The following CNTN1 variants were observed in gnomAD, a reference collection of about 807,000 sequenced individuals.
CNTN1 encodes contactin 1, also known as contactin-1.
A neutral mutation model predicts 126.4 loss-of-function variants in CNTN1; 38 were observed. That is an observed-to-expected ratio of 0.30 (90% CI 0.23 to 0.39). The LOEUF (loss-of-function observed/expected upper bound fraction) is 0.39, where lower values mean the gene tolerates loss of function less well. CNTN1 is among the 10% of genes least tolerant of loss of function. The pLI is 1.00. For missense variants in CNTN1, 1,009 were observed against 1,248.4 expected (o/e 0.81, Z 2.89); for synonymous variants, 413 against 422.6 (o/e 0.98, Z 0.28).
At position 41,070,569 on chromosome 12, in the gene CNTN1, T is replaced by C. The variant is rs1459540561; in HGVS notation, c.*534T>C. The C allele has an allele frequency of 6.5e-6, 1 of 152,824 alleles. No individual in the cohort carries two copies. The highest frequency in any genetic ancestry group is 1.5e-5 in the Non-Finnish European group (1 of 68,468). The allele number at this position is 152,824 out of a possible 1,614,324, so 9.5% of individuals were successfully genotyped here. On this transcript the variant is annotated 3_prime_UTR_variant, in exon 24 of 24. Coordinates refer to ENST00000551295, the MANE Select transcript of CNTN1 (RefSeq NM_001843.4). ...GTTTTCTTGAAAAGACAATAGAGTG[T>C]AACAAATATTTTGTCAGAAATCCCA...
At chr12:40,724,145 T>C (rs376142556) in intron 1 of CNTN1, among the ~76,000 whole-genome samples, 3 of 152,200 alleles carry the variant, frequency 2.0e-5, no homozygotes, top group Non-Finnish European at 2.9e-5. Flanking sequence ...TAGAACATTT[T>C]TGAACCTCTA....
At chr12:40,992,245 C>T (rs1266434076) in intron 16 of CNTN1, among the ~76,000 whole-genome samples, 1 of 152,140 alleles carries the variant, frequency 6.6e-6, no homozygotes, top group Non-Finnish European at 1.5e-5. Flanking sequence ...AAAGTAGAAA[C>T]TGGACCCTGG....
chr12:40,708,911 T>G (rs569834090), intron 1 of CNTN1, among the ~76,000 whole-genome samples: 1 of 152,362 alleles, frequency 6.6e-6, no homozygotes, highest in Non-Finnish European at 1.5e-5. Flanking sequence ...GCATTTATTT[T>G]CTCCACTGAA....
Position 41,027,999 on chromosome 12 carries a change from G to A in CNTN1, c.2823+30G>A, listed in dbSNP as rs189523941. 2.5e-4 allele frequency: 356 copies of A among 1,441,452 alleles called. No individual in the cohort carries two copies. The African/African-American group carries it at 4.5e-3, about 18-fold the overall frequency. 89.3% of individuals were successfully genotyped at this position (1,441,452 alleles called of 1,614,324 possible). A position where few individuals can be genotyped will look rare whatever the true frequency, so the allele number is the denominator to read the frequency against. On this transcript the variant is annotated intron_variant, in intron 22 of 23. Coordinates refer to ENST00000551295, the MANE Select transcript of CNTN1 (RefSeq NM_001843.4). ...ATACAAATAGTGATGATTAATGTTT[G>A]CAATTCTTGCTATTTCAGTGAAACC... is the stretch of plus-strand genomic sequence containing the variant.
intron 1 of CNTN1, among the ~76,000 whole-genome samples, chr12:40,700,968 T>C (rs1354353600): frequency 1.3e-5 from 2 of 152,210 alleles, no homozygotes; most frequent in Non-Finnish European, 2.9e-5. Flanking sequence ...GGAAGTTAGT[T>C]ATTAAAAAGT....
chr12:40,697,868 A>C (rs1317049348), intron 1 of CNTN1, among the ~76,000 whole-genome samples: 1 of 152,238 alleles, frequency 6.6e-6, no homozygotes. Context: ...GGCAGAATGC[A>C]CTATGGAAGA....
intron 14 of CNTN1, among the ~76,000 whole-genome samples, chr12:40,945,491 A>T (rs984171694): frequency 6.6e-6 from 1 of 152,110 alleles, no homozygotes; most frequent in African/African-American, 2.4e-5. Context: ...AGTAAAGTCT[A>T]GAAGTTCCAC....
At chr12:41,042,166 G>C (rs370465133) in intron 23 of CNTN1, among the ~76,000 whole-genome samples, 8 of 151,964 alleles carry the variant, frequency 5.3e-5, no homozygotes, top group Non-Finnish European at 1.0e-4. Flanking sequence ...CCTTCATTTC[G>C]TTATGTACCC....
intron 1 of CNTN1, among the ~76,000 whole-genome samples, chr12:40,825,778 A>G (rs1392898725): frequency 6.6e-6 from 1 of 151,910 alleles, no homozygotes; most frequent in Non-Finnish European, 1.5e-5. Context: ...TGTGCCATAT[A>G]TTTCTCTACT....
At chr12:40,845,992 T>C (rs1942485681) in intron 1 of CNTN1, among the ~76,000 whole-genome samples, 1 of 152,220 alleles carries the variant, frequency 6.6e-6, no homozygotes, top group Non-Finnish European at 1.5e-5. Flanking sequence ...AATTACATAG[T>C]GACTTTCGAG....
intron 23 of CNTN1, among the ~76,000 whole-genome samples, chr12:41,064,628 G>A (rs966606136): frequency 6.6e-6 from 1 of 152,146 alleles, no homozygotes; most frequent in Non-Finnish European, 1.5e-5. Flanking sequence ...AAGTACAGGT[G>A]CCAGCATGAA....
chr12:41,026,879 C>G (rs12318791), intron 21 of CNTN1, among the ~76,000 whole-genome samples: 12,744 of 152,030 alleles, frequency 0.084, 770 homozygotes, highest in African/African-American at 0.17. Flanking sequence ...TTTCAGCAGT[C>G]AAGGAGAGAA....
At chr12:41,043,213 A>G (rs1451442627) in intron 23 of CNTN1, among the ~76,000 whole-genome samples, 2 of 152,174 alleles carry the variant, frequency 1.3e-5, no homozygotes, top group Non-Finnish European at 2.9e-5. Context: ...GTGAACAGGC[A>G]ACCTACAAAA....
intron 18 of CNTN1, 101 bp downstream of exon 18, chr12:41,014,399 T>A: frequency 8.6e-7 from 1 of 1,159,554 alleles, no homozygotes; most frequent in Non-Finnish European, 1.3e-6. Context: ...AGTGACTGCC[T>A]ACTGCACAAG....
intron 23 of CNTN1, among the ~76,000 whole-genome samples, chr12:41,067,853 T>C (rs1384231801): frequency 1.3e-5 from 2 of 152,212 alleles, no homozygotes; most frequent in Admixed American, 1.3e-4. Context: ...AGGTTTATTA[T>C]TGGGCATCTT....
chr12:40,845,355 G>C (rs1942459349), intron 1 of CNTN1, among the ~76,000 whole-genome samples: 1 of 152,006 alleles, frequency 6.6e-6, no homozygotes, highest in African/African-American at 2.4e-5. Flanking sequence ...ACATAATATT[G>C]GCTACAAATT....
chr12:40,771,093 GA>G (rs1233090900), intron 1 of CNTN1, among the ~76,000 whole-genome samples: 1 of 152,018 alleles, frequency 6.6e-6, no homozygotes, highest in Non-Finnish European at 1.5e-5. Flanking sequence ...TGCTCTAAGA[GA>G]AACCCAGGAA....
chr12:40,771,654 A>G (rs1331661516), intron 1 of CNTN1, among the ~76,000 whole-genome samples: 1 of 151,982 alleles, frequency 6.6e-6, no homozygotes, highest in East Asian at 1.9e-4. Flanking sequence ...TGCAGAATTA[A>G]TAAGCACAAT....
At chr12:40,933,971 G>C in intron 9 of CNTN1, 93 bp downstream of exon 9, 1 of 988,400 alleles carries the variant, frequency 1.0e-6, no homozygotes, top group Non-Finnish European at 1.6e-6. Context: ...ATGATTAATG[G>C]TTTTAAAAAC....
Sources: gnomAD v4.1 joint callset for allele counts (sites outside exome capture counted in the v4.1 genomes callset) on GRCh38, gnomAD v4.1.1 for gene constraint, MANE v1.5 for transcripts, NCBI Gene and HGNC (gene_info 2026-07-23, HGNC 2026-07-21) for gene names.